GRM8: variants seen among roughly 807,000 people sequenced by gnomAD.
The protein encoded by GRM8 is glutamate metabotropic receptor 8.
A neutral mutation model predicts 87.2 loss-of-function variants in GRM8; 47 were observed. The observed-to-expected ratio is 0.54, with a 90% CI of 0.43 to 0.69. The LOEUF is 0.69. Ranked by LOEUF, GRM8 falls within the 30% of genes least tolerant of loss-of-function variation. The probability of loss-of-function intolerance (pLI) is 0.00; values close to 1 mark genes in which losing one functional copy is unlikely to be tolerated. For missense variants in GRM8, 1,019 were observed against 1,139.2 expected (o/e 0.89, Z 1.52); for synonymous variants, 396 against 404.5 (o/e 0.98, Z 0.25).
chr7:126,724,265 G>A (rs1812727689), intron 7 of GRM8, among the ~76,000 whole-genome samples: 1 of 152,122 alleles, frequency 6.6e-6, no homozygotes, highest in South Asian at 2.1e-4. Context: ...GTTAAGCGCA[G>A]GCCTGAGTTC....
chr7:126,864,725 A>C (rs1391603931), intron 6 of GRM8, among the ~76,000 whole-genome samples: 1 of 151,816 alleles, frequency 6.6e-6, no homozygotes, highest in Non-Finnish European at 1.5e-5. Flanking sequence ...AGACTGATTC[A>C]TTTTCTGATA....
At chr7:127,007,123 A>G (rs1357271736) in intron 3 of GRM8, among the ~76,000 whole-genome samples, 4 of 152,022 alleles carry the variant, frequency 2.6e-5, no homozygotes, top group African/African-American at 9.7e-5. Flanking sequence ...AAAGAGCTGC[A>G]AACTCTTTAC....
At chr7:126,823,902 A>G (rs979543174) in intron 6 of GRM8, among the ~76,000 whole-genome samples, 6 of 152,112 alleles carry the variant, frequency 3.9e-5, no homozygotes, top group African/African-American at 1.4e-4. Flanking sequence ...CTTCTCTCCT[A>G]GCTGCAAATT....
chr7:126,459,788 G>T (rs13235082), intron 9 of GRM8, among the ~76,000 whole-genome samples: 19,762 of 151,314 alleles, frequency 0.13, 1,410 homozygotes, highest in Admixed American at 0.17. Flanking sequence ...AAGGAGAGTT[G>T]AGGAAGATGT....
At chr7:126,511,789 G>C (rs1811413168) in intron 9 of GRM8, 1 of 152,130 alleles carries the variant, frequency 6.6e-6, no homozygotes, top group Non-Finnish European at 1.5e-5. Flanking sequence ...AAAGTGATGA[G>C]AGATCCAATG....
intron 3 of GRM8, among the ~76,000 whole-genome samples, chr7:126,980,229 C>T (rs1020383222): frequency 6.6e-6 from 1 of 152,100 alleles, no homozygotes; most frequent in Admixed American, 6.5e-5. Flanking sequence ...AACATATAAC[C>T]ACAAATAAAA....
chr7:127,127,772 ATATG>A (rs1490687057), intron 2 of GRM8, among the ~76,000 whole-genome samples: 2 of 152,064 alleles, frequency 1.3e-5, no homozygotes, highest in African/African-American at 4.8e-5. Context: ...GCATATTATT[ATATG>A]TAAGTTATTA....
At chr7:126,926,249 A>T (rs1319497863) in intron 3 of GRM8, among the ~76,000 whole-genome samples, 2 of 152,190 alleles carry the variant, frequency 1.3e-5, no homozygotes, top group African/African-American at 4.8e-5. Context: ...AGAAATGTAA[A>T]AGACTATAGA....
At chr7:127,061,414 A>G (rs1197965201) in intron 3 of GRM8, among the ~76,000 whole-genome samples, 1 of 152,216 alleles carries the variant, frequency 6.6e-6, no homozygotes, top group African/African-American at 2.4e-5. Flanking sequence ...ATCATTTTTA[A>G]CCAAAAAAAT....
At chr7:126,823,332 C>T (rs1794473580) in intron 6 of GRM8, among the ~76,000 whole-genome samples, 2 of 152,194 alleles carry the variant, frequency 1.3e-5, no homozygotes, top group South Asian at 4.1e-4. Flanking sequence ...TCCAGTCTGA[C>T]ATAATTTGGG....
At chr7:127,071,530 C>A (rs1821687698) in intron 3 of GRM8, among the ~76,000 whole-genome samples, 1 of 152,204 alleles carries the variant, frequency 6.6e-6, no homozygotes, top group Non-Finnish European at 1.5e-5. Context: ...CTGCATCACT[C>A]ACAACAAGCC....
intron 8 of GRM8, among the ~76,000 whole-genome samples, chr7:126,538,093 T>C (rs1562936059): frequency 6.6e-6 from 1 of 152,190 alleles, no homozygotes; most frequent in Non-Finnish European, 1.5e-5. Flanking sequence ...CTTGACAATG[T>C]TTACCAATAG....
intron 9 of GRM8, among the ~76,000 whole-genome samples, chr7:126,470,419 C>G (rs920734980): frequency 6.8e-5 from 10 of 147,302 alleles, no homozygotes; most frequent in Non-Finnish European, 1.2e-4. Flanking sequence ...CAATTCCTAC[C>G]TATGAGTGAA....
At chr7:126,629,234 A>T (rs1000924667) in intron 7 of GRM8, among the ~76,000 whole-genome samples, 4 of 152,176 alleles carry the variant, frequency 2.6e-5, no homozygotes, top group African/African-American at 7.2e-5. Context: ...ACATTTTTAG[A>T]TTTTACATCA....
intron 3 of GRM8, among the ~76,000 whole-genome samples, chr7:127,051,734 T>C (rs1308308326): frequency 1.0e-5 from 1 of 96,000 alleles, no homozygotes; most frequent in Admixed American, 1.0e-4. Context: ...AAACATAATG[T>C]TGAGCAAAAA....
rs1809497879 is a variant in GRM8 at position 126,963,266 on chromosome 7, T to C, written c.728-58583A>G. Reference sequence around the variant, plus strand: ...TTTCATTTTTGCATATCTGATACCATACAATCATCAGTTTATTTCTGTTTC... The same window carrying C: ...TTTCATTTTTGCATATCTGATACCACACAATCATCAGTTTATTTCTGTTTC... On this transcript the variant is annotated intron_variant, in intron 3 of 10. Transcript: ENST00000339582. Among the ~76,000 whole-genome samples the C allele has an allele frequency of 3.9e-5, 6 of 152,222 alleles. No homozygotes were observed. The South Asian group carries it at 1.2e-3, about 31-fold the overall frequency.
At chr7:126,512,178 C>A (rs1177039113) in intron 9 of GRM8, 3 of 152,118 alleles carry the variant, frequency 2.0e-5, no homozygotes, top group African/African-American at 7.2e-5. Context: ...CCCAGACTCA[C>A]TGTATACCTC....
intron 9 of GRM8, among the ~76,000 whole-genome samples, chr7:126,509,245 C>T (rs1482675478): frequency 5.3e-5 from 8 of 151,992 alleles, no homozygotes; most frequent in Non-Finnish European, 1.2e-4. Flanking sequence ...TAGGTTATTG[C>T]TGCAAGAGAA....
intron 7 of GRM8, among the ~76,000 whole-genome samples, chr7:126,713,505 A>G (rs779208480): frequency 6.6e-6 from 1 of 152,044 alleles, no homozygotes; most frequent in Non-Finnish European, 1.5e-5. Context: ...TGCAGGGTTT[A>G]AAACCTAGCT....
Sources: gnomAD v4.1 joint callset for allele counts (sites outside exome capture counted in the v4.1 genomes callset) on GRCh38, gnomAD v4.1.1 for gene constraint, MANE v1.5 for transcripts, NCBI Gene and HGNC (gene_info 2026-07-23, HGNC 2026-07-21) for gene names.